TBC1D8B: variants seen among roughly 807,000 people sequenced by gnomAD.
The protein encoded by TBC1D8B is RP11-321G1.1.
TBC1D8B carries 75 observed loss-of-function variants against 82.9 expected under a neutral mutation model. The ratio of observed to expected loss-of-function variants is 0.90; its 90% CI spans 0.75 to 1.10. The LOEUF (loss-of-function observed/expected upper bound fraction) is 1.10. Ranked by LOEUF, TBC1D8B falls within the 50% of genes least tolerant of loss-of-function variation. TBC1D8B has a pLI of 0.00. For synonymous variants in TBC1D8B, 276 were observed against 276.8 expected, an observed-to-expected ratio of 1.00 and a Z score of 0.03; for missense variants, 794 against 796.9, an observed-to-expected ratio of 1.00 and a Z score of 0.04.
intron 8 of TBC1D8B, 92 bp from the exon 9 acceptor site, chrX:106,839,956 A>G: frequency 1.1e-6 from 1 of 922,024 alleles, no homozygotes; most frequent in East Asian, 3.2e-5. Context: ...ATTTCTATAG[A>G]TGTTGTTTCA....
At chrX:106,843,628 A>C (rs1270631815) in intron 10 of TBC1D8B, among the ~76,000 whole-genome samples, 1 of 111,379 alleles carries the variant, frequency 9.0e-6, no homozygotes, top group Non-Finnish European at 1.9e-5. Flanking sequence ...GCAATCAGGA[A>C]GTGTGAGTTC....
chrX:106,833,966 TA>T (rs372718259), intron 7 of TBC1D8B, among the ~76,000 whole-genome samples: 122 of 104,132 alleles, frequency 1.2e-3, no homozygotes, highest in East Asian at 4.8e-3. Flanking sequence ...AATAAGCATT[TA>T]AAAAAAAAAA....
chrX:106,842,277 T>G (rs756406538), intron 10 of TBC1D8B, among the ~76,000 whole-genome samples: 2 of 110,819 alleles, frequency 1.8e-5, no homozygotes, highest in South Asian at 7.8e-4. Context: ...TGTGATATTG[T>G]CTATAAGCAG....
chrX:106,865,896 A>C lies in TBC1D8B; in HGVS notation c.2525A>C (p.Gln842Pro), dbSNP rs781739887. 1 of 1,211,582 alleles carries C rather than the reference A, an allele frequency of 8.3e-7. No homozygotes were observed. The highest frequency in any genetic ancestry group is 1.8e-5 in the South Asian group (1 of 56,939). ...GAACAGTATCAGATTGACTGCCAGCAGTTCAGAGCGTTGTATCACTTGTTG... is the reference window on the plus strand; with the variant it reads ...GAACAGTATCAGATTGACTGCCAGCCGTTCAGAGCGTTGTATCACTTGTTG... Reference protein sequence around the residue: ...YLEQYQIDCQQFRALYHLLSP... With the variant: ...YLEQYQIDCQPFRALYHLLSP... Residue 842 changes from glutamine (Q) to proline (P), a missense_variant, in exon 16 of 21, where the codon CAG becomes CCG. Gln to Pro is a moderately conservative substitution (Grantham distance 76). Transcript: ENST00000357242.
At chrX:106,825,531 A>C (rs1037476155) in intron 5 of TBC1D8B, among the ~76,000 whole-genome samples, 3 of 111,807 alleles carry the variant, frequency 2.7e-5, no homozygotes, top group Non-Finnish European at 3.8e-5. Context: ...TAAAACATTC[A>C]TTTAAAATTT....
chrX:106,805,537 T>C (rs1454109385), intron 1 of TBC1D8B, among the ~76,000 whole-genome samples: 7 of 112,221 alleles, frequency 6.2e-5, no homozygotes, highest in Non-Finnish European at 1.1e-4. Context: ...ATGTTGTGAC[T>C]AGTGATATCC....
At chrX:106,822,355 T>C (rs1931719182) in intron 4 of TBC1D8B, among the ~76,000 whole-genome samples, 153 bp downstream of exon 4, 1 of 111,848 alleles carries the variant, frequency 8.9e-6, no homozygotes, top group Non-Finnish European at 1.9e-5. Context: ...AAAGAACTCT[T>C]TTAAGACTGG....
At chrX:106,835,050 G>A (rs1932141907) in intron 7 of TBC1D8B, among the ~76,000 whole-genome samples, 1 of 111,968 alleles carries the variant, frequency 8.9e-6, no homozygotes, top group Admixed American at 9.4e-5. Flanking sequence ...ACTCTATGTG[G>A]GGGCTCCGAC....
chrX:106,821,901 A>G (rs1931703077), intron 3 of TBC1D8B, 76 bp from the exon 4 acceptor site: 1 of 861,570 alleles, frequency 1.2e-6, no homozygotes, highest in South Asian at 2.4e-5. Context: ...ATTGTATTCA[A>G]TCAACTGTTT....
intron 13 of TBC1D8B, 65 bp downstream of exon 13, chrX:106,853,715 C>A: frequency 9.7e-7 from 1 of 1,032,243 alleles, no homozygotes; most frequent in South Asian, 2.1e-5. Context: ...TATGGTCTAT[C>A]TCTAATGGTA....
rs1294745074 is a variant in TBC1D8B at position 106,874,741 on chromosome X, G to C, written c.*776G>C. ...GGGCTAAGAAACAGTTCAATTAACT[G>C]TATAGGTCTTTCATTAGACCGAGAC... is the stretch of plus-strand genomic sequence containing the variant. On this transcript the variant is annotated 3_prime_UTR_variant, in exon 21 of 21. Coordinates refer to ENST00000357242, the MANE Select transcript of TBC1D8B (RefSeq NM_017752.3). The C allele has an allele frequency of 1.8e-5, 2 of 111,898 alleles. No homozygotes were observed. Among genetic ancestry groups the C allele is most frequent in the East Asian group, 5.6e-4 (2 of 3,586 alleles). The allele number at this position is 111,898 out of a possible 1,213,427, so 9.2% of individuals were successfully genotyped here. A position where few individuals can be genotyped will look rare whatever the true frequency, so the allele number is the denominator to read the frequency against.
chrX:106,806,162 A>G (rs1286714054), intron 1 of TBC1D8B, among the ~76,000 whole-genome samples: 4 of 111,978 alleles, frequency 3.6e-5, no homozygotes, highest in Non-Finnish European at 7.5e-5. Flanking sequence ...TGTAAGTTAG[A>G]ATTCTGAGGT....
At chrX:106,855,432 G>A (rs1224669132) in intron 14 of TBC1D8B, among the ~76,000 whole-genome samples, 1 of 111,906 alleles carries the variant, frequency 8.9e-6, no homozygotes, top group Admixed American at 9.5e-5. Flanking sequence ...TTTTATCTAG[G>A]TGTCTGCACA....
chrX:106,834,173 G>T (rs1219411611), intron 7 of TBC1D8B, among the ~76,000 whole-genome samples: 1 of 111,307 alleles, frequency 9.0e-6, no homozygotes, highest in Non-Finnish European at 1.9e-5. Flanking sequence ...AAGAAAAGAG[G>T]TTTAATTGAC....
At position 106,870,945 on chromosome X, in the gene TBC1D8B, A is replaced by G. The variant is rs1288831210; in HGVS notation, c.2967+132A>G. ...TATCTATTAGCTCTCTAAGTTTCAG[A>G]TGAGCATGGAAGAGTGGGAAGAAAT... On this transcript the variant is annotated intron_variant, in intron 20 of 20. Coordinates refer to ENST00000357242, the MANE Select transcript of TBC1D8B (RefSeq NM_017752.3). 1.5e-5 allele frequency: 6 copies of G among 409,892 alleles called. No homozygotes were observed. The African/African-American group carries it at 1.6e-4, about 11-fold the overall frequency. 33.8% of individuals were successfully genotyped at this position (409,892 alleles called of 1,213,427 possible). A position where few individuals can be genotyped will look rare whatever the true frequency, so the allele number is the denominator to read the frequency against.
intron 12 of TBC1D8B, among the ~76,000 whole-genome samples, chrX:106,853,226 G>A (rs1274860897): frequency 2.7e-5 from 3 of 111,150 alleles, no homozygotes; most frequent in South Asian, 3.8e-4. Context: ...CTCTCTGTTT[G>A]TCTGTTATTG....
rs34044365 is a variant in TBC1D8B at position 106,853,757 on chromosome X, A to G, written c.2253+107A>G. The G allele has an allele frequency of 5.7e-3, 4,719 of 829,315 alleles. 14 individuals carry two copies. Among genetic ancestry groups the G allele is most frequent in the Middle Eastern group, 0.02 (46 of 2,248 alleles). 68.3% of individuals were successfully genotyped at this position (829,315 alleles called of 1,213,427 possible). On this transcript the variant is annotated intron_variant, in intron 13 of 20. Transcript: ENST00000357242. ...GTGTAAGATAATAATGCAAGTAGACATACAACTTAAAATCCAACTTAACTT... is the reference window on the plus strand; with the variant it reads ...GTGTAAGATAATAATGCAAGTAGACGTACAACTTAAAATCCAACTTAACTT...
At chrX:106,807,877 AC>A (rs754807168) in intron 1 of TBC1D8B, among the ~76,000 whole-genome samples, 35 of 110,834 alleles carry the variant, frequency 3.2e-4, no homozygotes, top group African/African-American at 1.0e-3. Context: ...ACACGTTGAA[AC>A]CCCATCTCTA....
rs1331902327 is a variant in TBC1D8B, at chrX:106,853,507, T to A, written c.2124-14T>A. The A allele has an allele frequency of 8.3e-7, 1 of 1,199,145 alleles. No individual in the cohort carries two copies. The highest frequency in any genetic ancestry group is 1.1e-6 in the Non-Finnish European group (1 of 885,818). On this transcript the variant is annotated splice_polypyrimidine_tract_variant and intron_variant, in intron 12 of 20. Coordinates refer to ENST00000357242, the MANE Select transcript of TBC1D8B (RefSeq NM_017752.3). ...AGTTCCACTAATTCTTGTATTACTA[T>A]CACTTTTCAATAGGTTCTTTGACAA...
Sources: gnomAD v4.1 joint callset for allele counts (sites outside exome capture counted in the v4.1 genomes callset) on GRCh38, gnomAD v4.1.1 for gene constraint, MANE v1.5 for transcripts, NCBI Gene and HGNC (gene_info 2026-07-23, HGNC 2026-07-21) for gene names.